Variants in ULK4 observed in about 807,000 individuals in gnomAD.
ULK4 encodes the protein inactive serine/threonine-protein kinase ULK4.
Under a neutral mutation model 160.6 loss-of-function variants are expected in ULK4, and 133 were observed. The ratio of observed to expected loss-of-function variants is 0.83; its 90% confidence interval spans 0.72 to 0.96. ULK4 has a LOEUF of 0.96. Ranked by LOEUF, ULK4 falls within the 40% of genes least tolerant of loss-of-function variation. The pLI is 0.00. For synonymous variants in ULK4, 534 were observed against 539.8 expected (o/e 0.99, Z 0.15); for missense variants, 1,580 against 1,499.5 (o/e 1.05, Z -0.89).
At chr3:41,471,906 C>A in intron 32 of ULK4, among the ~76,000 whole-genome samples, 1 of 146,170 alleles carries the variant, frequency 6.8e-6, no homozygotes, top group African/African-American at 2.6e-5. Context: ...AAAGAAAGGT[C>A]TCAAATAAAC....
rs190284202 is a variant in ULK4 at position 41,584,939 on chromosome 3, C to G, written c.3121-18809G>C. On this transcript the variant is annotated intron_variant, in intron 31 of 36. Transcript: ENST00000301831. Reference sequence around the variant, plus strand: ...AAAAGAATAAAATATTTAGAAATAACCCTAACCAAGGAGGCAAAAGACTTG... The same window carrying G: ...AAAAGAATAAAATATTTAGAAATAAGCCTAACCAAGGAGGCAAAAGACTTG... 4.1e-3 allele frequency among the ~76,000 whole-genome samples: 631 copies of G among 152,174 alleles called. 1 individual carries two copies. The highest frequency in any genetic ancestry group is 7.0e-3 in the Non-Finnish European group (475 of 67,990).
intron 22 of ULK4, among the ~76,000 whole-genome samples, chr3:41,737,760 C>CT (rs1321118359): frequency 2.0e-5 from 3 of 151,952 alleles, no homozygotes; most frequent in Non-Finnish European, 4.4e-5. Context: ...TTCAATGCCT[C>CT]TGTTTGTAAT....
intron 22 of ULK4, among the ~76,000 whole-genome samples, chr3:41,744,293 T>G (rs1365212082): frequency 6.6e-6 from 1 of 151,948 alleles, no homozygotes; most frequent in African/African-American, 2.4e-5. Context: ...CCCAACAATG[T>G]GCTGCCTGTA....
rs2035264367 is a variant in ULK4, at chr3:41,663,805, T to C, written c.2979-106A>G. ...CAATTTAGCTTAAGACAGAAAGATATTTTACACACTAATAAAGATTTAAGT... is the reference window on the plus strand; with the variant it reads ...CAATTTAGCTTAAGACAGAAAGATACTTTACACACTAATAAAGATTTAAGT... On this transcript the variant is annotated intron_variant, in intron 29 of 36. Transcript: ENST00000301831. The C allele has an allele frequency of 4.5e-6, 4 of 898,138 alleles. No individual in the cohort carries two copies. The African/African-American group carries it at 5.0e-5, about 11-fold the overall frequency. 55.6% of individuals were successfully genotyped at this position (898,138 alleles called of 1,614,324 possible).
intron 35 of ULK4, among the ~76,000 whole-genome samples, chr3:41,375,476 T>C (rs1324974875): frequency 6.7e-6 from 1 of 149,742 alleles, no homozygotes; most frequent in Non-Finnish European, 1.5e-5. Context: ...AATAACACCA[T>C]GTGTCTACAA....
intron 32 of ULK4, 33 bp downstream of exon 32, chr3:41,565,992 C>G (rs757389403): frequency 6.4e-7 from 1 of 1,571,758 alleles, no homozygotes. Context: ...ATAGGCAAAA[C>G]TTGATCAGAG....
chr3:41,431,561 T>TTTTTTTTTTTTTTC (rs1330061521), intron 34 of ULK4, among the ~76,000 whole-genome samples: 1 of 142,522 alleles, frequency 7.0e-6, no homozygotes, highest in South Asian at 2.3e-4. Context: ...TTTTTTTTTT[T>TTTTTTTTTTTTTTC]TGATGTGGAA....
At chr3:41,648,826 G>GA (rs2034618105) in intron 30 of ULK4, among the ~76,000 whole-genome samples, 1 of 152,100 alleles carries the variant, frequency 6.6e-6, no homozygotes, top group Non-Finnish European at 1.5e-5. Flanking sequence ...GAAAGCATCA[G>GA]AAAACGCAGT....
At chr3:41,426,690 C>T (rs1270248874) in intron 34 of ULK4, among the ~76,000 whole-genome samples, 1 of 152,070 alleles carries the variant, frequency 6.6e-6, no homozygotes, top group African/African-American at 2.4e-5. Context: ...ACAGTTAAGA[C>T]AGAAATCAAT....
At chr3:41,292,152 G>A (rs1209491049) in intron 35 of ULK4, among the ~76,000 whole-genome samples, 1 of 151,828 alleles carries the variant, frequency 6.6e-6, no homozygotes, top group Admixed American at 6.6e-5. Context: ...ATTTTCTCTA[G>A]GTATATTATT....
intron 5 of ULK4, among the ~76,000 whole-genome samples, chr3:41,925,290 A>G (rs749992433): frequency 9.4e-4 from 143 of 152,274 alleles, no homozygotes; most frequent in Non-Finnish European, 1.8e-3. Flanking sequence ...TCACCCGGGA[A>G]GCGCTAGGGG....
At position 41,721,278 on chromosome 3, in the gene ULK4, T is replaced by TG. The variant is rs1559507474; in HGVS notation, c.2322-3418_2322-3417insC. On this transcript the variant is annotated intron_variant, in intron 22 of 36. Coordinates refer to ENST00000301831, the MANE Select transcript of ULK4 (RefSeq NM_017886.4). ...GAATTTTTTTTTTTTTTTTTTTTTT[T>TG]TTTTTTGGGTTTTGAACCATGAGTA... Among the ~76,000 whole-genome samples, 439 of 100,050 alleles carry TG rather than the reference T, an allele frequency of 4.4e-3. 10 individuals are homozygous for TG. Among genetic ancestry groups the TG allele is most frequent in the African/African-American group, 0.015 (343 of 22,914 alleles). 65.6% of individuals were successfully genotyped at this position (100,050 alleles called of 152,430 possible).
At chr3:41,953,331 C>G (rs1413449113) in intron 2 of ULK4, among the ~76,000 whole-genome samples, 3 of 99,464 alleles carry the variant, frequency 3.0e-5, no homozygotes, top group African/African-American at 6.4e-5. Flanking sequence ...AGATGGAGTC[C>G]CACTCTTGTC....
At chr3:41,903,588 G>GAA (rs71075493) in intron 12 of ULK4, among the ~76,000 whole-genome samples, 4 of 138,196 alleles carry the variant, frequency 2.9e-5, no homozygotes, top group African/African-American at 8.4e-5. Flanking sequence ...CTGTCTCAAA[G>GAA]AAAAAAAAAA....
intron 30 of ULK4, among the ~76,000 whole-genome samples, chr3:41,618,093 G>A (rs756536028): frequency 3.3e-5 from 5 of 151,986 alleles, no homozygotes; most frequent in Non-Finnish European, 5.9e-5. Context: ...GAAAAGGAAC[G>A]AACAAAGCCT....
chr3:41,421,814 C>T (rs1256277564), intron 34 of ULK4, among the ~76,000 whole-genome samples: 1 of 152,140 alleles, frequency 6.6e-6, no homozygotes, highest in Non-Finnish European at 1.5e-5. Flanking sequence ...CACTCCAAAT[C>T]ATTTAGATAG....
chr3:41,543,706 A>G (rs2086767450), intron 32 of ULK4, among the ~76,000 whole-genome samples: 1 of 152,144 alleles, frequency 6.6e-6, no homozygotes, highest in Non-Finnish European at 1.5e-5. Flanking sequence ...ACATTTTTTC[A>G]TAGTATGCCC....
chr3:41,861,075 C>T (rs2042488312), intron 17 of ULK4, among the ~76,000 whole-genome samples: 1 of 152,124 alleles, frequency 6.6e-6, no homozygotes, highest in African/African-American at 2.4e-5. Flanking sequence ...AAACTTTTTG[C>T]TGTTTCTATT....
At chr3:41,710,282 T>A (rs1472060302) in intron 25 of ULK4, among the ~76,000 whole-genome samples, 1 of 152,166 alleles carries the variant, frequency 6.6e-6, no homozygotes, top group Non-Finnish European at 1.5e-5. Context: ...TATTTCTTCC[T>A]TCTCATTCTC....
Sources: gnomAD v4.1 joint callset for allele counts (sites outside exome capture counted in the v4.1 genomes callset) on GRCh38, gnomAD v4.1.1 for gene constraint, MANE v1.5 for transcripts, NCBI Gene and HGNC (gene_info 2026-07-23, HGNC 2026-07-21) for gene names.